The following MOB3B variants were observed in gnomAD, a reference collection of about 807,000 sequenced individuals.
MOB3B encodes the protein MOB kinase activator 3B.
MOB3B carries 7 observed loss-of-function variants against 18.7 expected under a neutral mutation model. The ratio of observed to expected loss-of-function variants is 0.37; its 90% CI spans 0.21 to 0.70. The LOEUF is 0.70. Ranked by LOEUF, MOB3B falls within the 30% of genes least tolerant of loss-of-function variation. The pLI is 0.52. For synonymous variants in MOB3B, 111 were observed against 99.9 expected (o/e 1.11, Z -0.66); for missense variants, 253 against 281.3 (o/e 0.90, Z 0.72).
intron 2 of MOB3B, among the ~76,000 whole-genome samples, chr9:27,434,477 G>GC (rs1410656047): frequency 7.2e-5 from 11 of 151,940 alleles, no homozygotes; most frequent in Admixed American, 6.6e-4. Flanking sequence ...AGTGCTCTTA[G>GC]CCACACCCAT....
chr9:27,345,785 G>A (rs1821024319), intron 3 of MOB3B, among the ~76,000 whole-genome samples: 1 of 152,174 alleles, frequency 6.6e-6, no homozygotes, highest in Admixed American at 6.5e-5. Context: ...ATGGGCTCAG[G>A]TATCTAAAGT....
intron 3 of MOB3B, among the ~76,000 whole-genome samples, chr9:27,340,783 T>C (rs563196171): frequency 6.6e-6 from 1 of 152,308 alleles, no homozygotes; most frequent in South Asian, 2.1e-4. Flanking sequence ...ATCTCTGACA[T>C]TTGGCTGCTG....
intron 1 of MOB3B, among the ~76,000 whole-genome samples, chr9:27,524,150 T>TAAAAAAAA (rs3081119): frequency 4.4e-5 from 4 of 90,244 alleles, no homozygotes; most frequent in Admixed American, 1.2e-4. Context: ...TCACCCGAAG[T>TAAAAAAAA]AAAAAAAAAA....
In MOB3B at chr9:27,337,385, T is replaced by A. The variant is rs531333281; in HGVS notation, c.622-6769A>T. Among the ~76,000 whole-genome samples, 13 of 152,332 alleles carry A rather than the reference T, an allele frequency of 8.5e-5. No homozygotes were observed. In the South Asian group the frequency reaches 2.1e-3, roughly 24 times the overall value. On this transcript the variant is annotated intron_variant, in intron 3 of 3. Coordinates refer to ENST00000262244, the MANE Select transcript of MOB3B (RefSeq NM_024761.5). ...ACCATCTTGAAAATTCCCTCTCTCA[T>A]GGCTTTCCCCTGCCCTTCCTGCCTC...
At chr9:27,488,561 C>T (rs922172453) in intron 1 of MOB3B, among the ~76,000 whole-genome samples, 1 of 152,156 alleles carries the variant, frequency 6.6e-6, no homozygotes, top group African/African-American at 2.4e-5. Context: ...GCAAGCGCCA[C>T]CACACTCGGC....
chr9:27,512,270 T>A (rs1820159056), intron 1 of MOB3B, among the ~76,000 whole-genome samples: 1 of 152,178 alleles, frequency 6.6e-6, no homozygotes, highest in Admixed American at 6.5e-5. Flanking sequence ...TTTGGATGTT[T>A]TTTACAGTAG....
At chr9:27,423,652 A>G (rs1587202547) in intron 2 of MOB3B, among the ~76,000 whole-genome samples, 1 of 152,230 alleles carries the variant, frequency 6.6e-6, no homozygotes, top group East Asian at 1.9e-4. Context: ...CACATGTGTA[A>G]TAACTGGTTT....
chr9:27,454,997 A>C (rs975037764), intron 2 of MOB3B, 136 bp downstream of exon 2: 1 of 916,858 alleles, frequency 1.1e-6, no homozygotes, highest in Non-Finnish European at 1.7e-6. Flanking sequence ...TGAGGCTCTT[A>C]TATATCACTC....
In MOB3B at chr9:27,371,195, TG is replaced by T. The variant is rs974247557; in HGVS notation, c.419-11960del. On this transcript the variant is annotated intron_variant, in intron 2 of 3. Coordinates refer to ENST00000262244, the MANE Select transcript of MOB3B (RefSeq NM_024761.5). ...TGCTGAGACACATAATGGGAGGAGG[TG>T]GGGGCAAGGGAGAAGATAGCAATGT... 9.2e-5 allele frequency among the ~76,000 whole-genome samples: 14 copies of T among 151,774 alleles called. No individual in the cohort carries two copies. The East Asian group carries it at 1.2e-3, about 13-fold the overall frequency.
chr9:27,461,420 C>T (rs1819285843), intron 1 of MOB3B, among the ~76,000 whole-genome samples: 1 of 152,206 alleles, frequency 6.6e-6, no homozygotes, highest in South Asian at 2.1e-4. Context: ...AGCAGCTTTG[C>T]TATTTTTTTC....
chr9:27,432,783 G>A (rs905101888), intron 2 of MOB3B, among the ~76,000 whole-genome samples: 1 of 152,136 alleles, frequency 6.6e-6, no homozygotes, highest in East Asian at 1.9e-4. Context: ...TGCATAACCA[G>A]GAAGTTCTTA....
intron 2 of MOB3B, among the ~76,000 whole-genome samples, chr9:27,419,870 C>T (rs1587199507): frequency 6.6e-6 from 1 of 152,052 alleles, no homozygotes; most frequent in African/African-American, 2.4e-5. Flanking sequence ...AATAGAAAAC[C>T]CACAGAGTGG....
intron 1 of MOB3B, among the ~76,000 whole-genome samples, chr9:27,492,617 A>G (rs2253284): frequency 0.88 from 134,640 of 152,240 alleles, 60,612 homozygotes; most frequent in East Asian, 1. Flanking sequence ...GGAACTGATA[A>G]CTGCCAGGCA....
intron 2 of MOB3B, among the ~76,000 whole-genome samples, chr9:27,383,751 G>T (rs1431296150): frequency 3.3e-5 from 5 of 152,148 alleles, no homozygotes; most frequent in Admixed American, 2.6e-4. Flanking sequence ...TCAGGTGCTA[G>T]CACACTGCAT....
intron 1 of MOB3B, among the ~76,000 whole-genome samples, chr9:27,497,917 T>C (rs912643259): frequency 1.3e-5 from 2 of 152,164 alleles, no homozygotes; most frequent in Non-Finnish European, 2.9e-5. Flanking sequence ...TAAATCAAAA[T>C]GAAACTCCAA....
At chr9:27,498,058 C>T (rs1340343345) in intron 1 of MOB3B, among the ~76,000 whole-genome samples, 1 of 152,192 alleles carries the variant, frequency 6.6e-6, no homozygotes, top group East Asian at 1.9e-4. Context: ...ATTCATTTGA[C>T]AGCTGCCAAC....
Position 27,514,984 on chromosome 9 carries a change from G to A in MOB3B, c.-199+14571C>T, listed in dbSNP as rs191270322. ...CAGGAGAAATTCCTCCCAGAACTCA[G>A]TACCAAGAGAAGCTTTCCTTCTCCT... On this transcript the variant is annotated intron_variant, in intron 1 of 3. Coordinates refer to ENST00000262244, the MANE Select transcript of MOB3B (RefSeq NM_024761.5). Among the ~76,000 whole-genome samples, 65 of 152,294 alleles carry A rather than the reference G, an allele frequency of 4.3e-4. 1 individual carries two copies. The highest frequency in any genetic ancestry group is 1.3e-3 in the East Asian group (7 of 5,192).
chr9:27,515,905 CTT>C (rs773075250), intron 1 of MOB3B, among the ~76,000 whole-genome samples: 2 of 152,148 alleles, frequency 1.3e-5, no homozygotes, highest in African/African-American at 2.4e-5. Flanking sequence ...AAACAAAAGA[CTT>C]TGCAAATGTA....
At chr9:27,460,361 T>A (rs1300697053) in intron 1 of MOB3B, among the ~76,000 whole-genome samples, 1 of 152,236 alleles carries the variant, frequency 6.6e-6, no homozygotes, top group African/African-American at 2.4e-5. Context: ...ATAAAACATG[T>A]GCACTATAAA....
Sources: allele counts gnomAD v4.1 joint callset (sites outside exome capture counted in the v4.1 genomes callset), GRCh38; gene constraint gnomAD v4.1.1; transcripts MANE v1.5; gene names NCBI Gene and HGNC (gene_info 2026-07-23, HGNC 2026-07-21).